The following FAP variants were observed in gnomAD, a reference collection of about 807,000 sequenced individuals.
FAP encodes prolyl endopeptidase FAP.
FAP carries 110 observed loss-of-function variants against 126.5 expected under a neutral mutation model. The ratio of observed to expected loss-of-function variants is 0.87; its 90% CI spans 0.74 to 1.02. FAP has a LOEUF of 1.02. FAP is among the 50% of genes least tolerant of loss of function. The pLI is 0.00. For missense variants in FAP, 919 were observed against 909.2 expected, an observed-to-expected ratio of 1.01 and a Z score of -0.14; for synonymous variants, 334 against 297.3, an observed-to-expected ratio of 1.12 and a Z score of -1.27.
At chr2:162,180,639 G>T (rs73973019) in intron 21 of FAP, among the ~76,000 whole-genome samples, 150 of 152,344 alleles carry the variant, frequency 9.8e-4, no homozygotes, top group African/African-American at 3.5e-3. Context: ...TCAATGGAAT[G>T]TTGAAGTCAG....
chr2:162,214,050 G>A lies in FAP; in HGVS notation c.890C>T (p.Thr297Met), dbSNP rs141855900. Residue 297 changes from threonine (T) to methionine (M), a missense_variant, in exon 11 of 26, where the codon ACG becomes ATG. Coordinates refer to ENST00000188790, the MANE Select transcript of FAP (RefSeq NM_004460.5). Reference sequence around the variant, plus strand: ...ACATACTCGTTCATCAGTAACCCACGTGAGCCAACTGAAATAATAATCACT... The same window carrying A: ...ACATACTCGTTCATCAGTAACCCACATGAGCCAACTGAAATAATAATCACT... Reference protein sequence around the residue: ...ASSDYYFSWLTWVTDERVCLQ... With the variant: ...ASSDYYFSWLMWVTDERVCLQ... 1.2e-5 allele frequency: 20 copies of A among 1,613,726 alleles called. No individual in the cohort carries two copies. In the Admixed American group the frequency reaches 1.8e-4, roughly 15 times the overall value.
intron 16 of FAP, among the ~76,000 whole-genome samples, chr2:162,195,409 G>A (rs375409775): frequency 1.3e-5 from 2 of 151,960 alleles, no homozygotes; most frequent in African/African-American, 4.8e-5. Context: ...AGCTTGTAGA[G>A]TTGTCTCCAA....
In FAP at chr2:162,243,351, A is replaced by G; in HGVS notation, c.-24T>C. 6.2e-7 allele frequency: 1 copy of G among 1,610,892 alleles called. No homozygotes were observed. Among genetic ancestry groups the G allele is most frequent in the Non-Finnish European group, 8.5e-7 (1 of 1,178,486 alleles). Reference sequence around the variant, plus strand: ...ATTTTTCCAGATGTTTTTGAAAGTTAGCTAATTCTGTCTTCAGAGCGTGGG... The same window carrying G: ...ATTTTTCCAGATGTTTTTGAAAGTTGGCTAATTCTGTCTTCAGAGCGTGGG... On this transcript the variant is annotated 5_prime_UTR_variant, in exon 1 of 26. Coordinates refer to ENST00000188790, the MANE Select transcript of FAP (RefSeq NM_004460.5).
intron 14 of FAP, among the ~76,000 whole-genome samples, chr2:162,201,585 T>C (rs1559774875): frequency 6.6e-6 from 1 of 152,114 alleles, no homozygotes; most frequent in Non-Finnish European, 1.5e-5. Context: ...ATTGTCTCCC[T>C]CTCTAACCCT....
At chr2:162,210,111 C>A in intron 11 of FAP, 115 bp from the exon 12 acceptor site, 1 of 778,158 alleles carries the variant, frequency 1.3e-6, no homozygotes, top group South Asian at 1.7e-5. Flanking sequence ...CATTACTAGT[C>A]AACTAACTTC....
intron 8 of FAP, among the ~76,000 whole-genome samples, chr2:162,218,598 TAG>T (rs1553690219): frequency 1.3e-5 from 2 of 151,616 alleles, no homozygotes; most frequent in East Asian, 3.9e-4. Flanking sequence ...GATAGATAGA[TAG>T]ATAAATAGAT....
Position 162,188,373 on chromosome 2 carries a change from A to G in FAP, c.1620-10T>C, listed in dbSNP as rs1446385412. Reference sequence around the variant, plus strand: ...GCAGGGACCACCATACCTAAAGGAAAAACAAAAAAAACAAGAATCTTTGAT... The same window carrying G: ...GCAGGGACCACCATACCTAAAGGAAGAACAAAAAAAACAAGAATCTTTGAT... On this transcript the variant is annotated splice_polypyrimidine_tract_variant and intron_variant, in intron 19 of 25. Coordinates refer to ENST00000188790, the MANE Select transcript of FAP (RefSeq NM_004460.5). 1 of 1,605,234 alleles carries G rather than the reference A, an allele frequency of 6.2e-7. No individual in the cohort carries two copies. Among genetic ancestry groups the G allele is most frequent in the East Asian group, 2.2e-5 (1 of 44,738 alleles).
At chr2:162,204,698 G>A (rs1006764285) in intron 12 of FAP, among the ~76,000 whole-genome samples, 7 of 152,148 alleles carry the variant, frequency 4.6e-5, no homozygotes, top group African/African-American at 1.7e-4. Flanking sequence ...CCGACTTCCA[G>A]CTTTCAGAAT....
At chr2:162,203,728 GACC>G (rs1688588588) in intron 12 of FAP, among the ~76,000 whole-genome samples, 3 of 152,126 alleles carry the variant, frequency 2.0e-5, no homozygotes, top group Non-Finnish European at 2.9e-5. Context: ...ACTGCAGACT[GACC>G]TCAATGCCCT....
At chr2:162,201,054 T>C (rs547327713) in intron 14 of FAP, among the ~76,000 whole-genome samples, 2 of 152,282 alleles carry the variant, frequency 1.3e-5, no homozygotes, top group South Asian at 4.1e-4. Flanking sequence ...GATATCACAC[T>C]GGATACCACA....
At chr2:162,241,794 C>T (rs984049333) in intron 2 of FAP, among the ~76,000 whole-genome samples, 1 of 152,130 alleles carries the variant, frequency 6.6e-6, no homozygotes, top group Non-Finnish European at 1.5e-5. Flanking sequence ...TAAGAAGAAT[C>T]TTGTGCTGGC....
At chr2:162,194,815 T>C in intron 16 of FAP, 67 bp from the exon 17 acceptor site, 1 of 1,405,690 alleles carries the variant, frequency 7.1e-7, no homozygotes, top group Non-Finnish European at 1.0e-6. Flanking sequence ...CAAGACGGGC[T>C]GCTGGTAGTA....
rs1231583535 is a variant in FAP, at chr2:162,179,806, ATATATATTT to A, written c.1869+3599_1869+3607del. On this transcript the variant is annotated intron_variant, in intron 21 of 25. Transcript: ENST00000188790. ...TCTATCTATCTATATATATATATAT[ATATATATTT>A]TTTTTTTTTTTGAGATGGAGTCTCG... Among the ~76,000 whole-genome samples, 28 of 138,852 alleles carry A rather than the reference ATATATATTT, an allele frequency of 2.0e-4. No individual in the cohort carries two copies. The East Asian group carries it at 2.9e-3, about 14-fold the overall frequency. The allele number at this position is 138,852 out of a possible 152,430, so 91.1% of individuals were successfully genotyped here.
intron 12 of FAP, among the ~76,000 whole-genome samples, chr2:162,204,200 G>A (rs2106250649): frequency 6.6e-6 from 1 of 152,312 alleles, no homozygotes; most frequent in African/African-American, 2.4e-5. Context: ...TGTAGAGCAA[G>A]AAAAGAGTGG....
At position 162,208,962 on chromosome 2, in the gene FAP, C is replaced by G. The variant is rs564767664; in HGVS notation, c.1047+990G>C. On this transcript the variant is annotated intron_variant, in intron 12 of 25. Coordinates refer to ENST00000188790, the MANE Select transcript of FAP (RefSeq NM_004460.5). Reference sequence around the variant, plus strand: ...AAACTGCAGTATCTTTAATTAACGGCAGAGTATAAATTAAACAGCATGTAA... The same window carrying G: ...AAACTGCAGTATCTTTAATTAACGGGAGAGTATAAATTAAACAGCATGTAA... Among the ~76,000 whole-genome samples, 172 of 151,770 alleles carry G rather than the reference C, an allele frequency of 1.1e-3. 1 individual carries two copies. Among genetic ancestry groups the G allele is most frequent in the African/African-American group, 4.1e-3 (169 of 41,406 alleles).
chr2:162,232,037 C>T (rs983405957), intron 2 of FAP, among the ~76,000 whole-genome samples: 1 of 151,996 alleles, frequency 6.6e-6, no homozygotes. Flanking sequence ...ATTATCACAC[C>T]GGGTTTTGTT....
chr2:162,184,798 T>C (rs1349336988), intron 20 of FAP, among the ~76,000 whole-genome samples: 1 of 152,110 alleles, frequency 6.6e-6, no homozygotes, highest in Non-Finnish European at 1.5e-5. Flanking sequence ...TTGCTACTGG[T>C]GCTTGAAGAC....
intron 15 of FAP, among the ~76,000 whole-genome samples, chr2:162,199,843 T>C (rs951032168): frequency 5.3e-5 from 8 of 152,194 alleles, no homozygotes; most frequent in African/African-American, 1.9e-4. Flanking sequence ...ATTTCCTCTG[T>C]TAGGGTTAGT....
chr2:162,225,440 T>G (rs758019607), intron 4 of FAP, 43 bp downstream of exon 4: 4 of 1,574,496 alleles, frequency 2.5e-6, no homozygotes, highest in Non-Finnish European at 3.5e-6. Context: ...CAATGAAGAG[T>G]GGGCAAAGGT....
Sources: gnomAD v4.1 joint callset for allele counts (sites outside exome capture counted in the v4.1 genomes callset) on GRCh38, gnomAD v4.1.1 for gene constraint, MANE v1.5 for transcripts, NCBI Gene and HGNC (gene_info 2026-07-23, HGNC 2026-07-21) for gene names.